Variants in CEP126 observed in about 807,000 individuals in gnomAD.
CEP126 encodes the protein centrosomal protein of 126 kDa.
CEP126 carries 74 observed loss-of-function variants against 107.8 expected under a neutral mutation model. That is an observed-to-expected ratio of 0.69 (90% confidence interval 0.57 to 0.83). The LOEUF is 0.83. Ranked by LOEUF, CEP126 falls within the 40% of genes least tolerant of loss-of-function variation. CEP126 has a pLI of 0.00. For missense variants in CEP126, 1,237 were observed against 1,281.9 expected, an observed-to-expected ratio of 0.96 and a Z score of 0.53; for synonymous variants, 449 against 446.0, an observed-to-expected ratio of 1.01 and a Z score of -0.08.
chr11:101,985,436 C>A (rs545685094), intron 8 of CEP126, among the ~76,000 whole-genome samples: 56 of 151,934 alleles, frequency 3.7e-4, no homozygotes, highest in Non-Finnish European at 7.6e-4. Flanking sequence ...GCGTATGCCA[C>A]CATACCTGGG....
intron 2 of CEP126, among the ~76,000 whole-genome samples, chr11:101,929,542 G>A (rs1240015780): frequency 1.3e-5 from 2 of 152,126 alleles, no homozygotes; most frequent in Non-Finnish European, 2.9e-5. Flanking sequence ...TACCACAGTG[G>A]AGGTGGCCTT....
rs767118122 is a variant in CEP126, at chr11:101,922,694, T to C, written c.182T>C (p.Leu61Pro). 1 of 1,611,682 alleles carries C rather than the reference T, an allele frequency of 6.2e-7. No individual in the cohort carries two copies. Among genetic ancestry groups the C allele is most frequent in the South Asian group, 1.1e-5 (1 of 91,046 alleles). Residue 61 changes from leucine (L) to proline (P), a missense_variant, in exon 2 of 11, where the codon CTG becomes CCG. Leu to Pro is a moderately conservative substitution (Grantham distance 98, BLOSUM62 -3). This residue lies in a region of CEP126 where 1,134 missense variants were observed against 1,150.5 expected (regional missense o/e 0.99). Coordinates refer to ENST00000263468, the MANE Select transcript of CEP126 (RefSeq NM_020802.4). ...KNLEEERQILLQQQKICRNRA... is the reference protein window; with the variant it reads ...KNLEEERQILPQQQKICRNRA... ...TTAGAAGAAGAGCGCCAGATATTAC[T>C]GCAGCAACAAAAAATATGTCGAAAT...
At chr11:101,970,783 AAATATTG>A (rs1190074588) in intron 6 of CEP126, among the ~76,000 whole-genome samples, 1 of 152,160 alleles carries the variant, frequency 6.6e-6, no homozygotes, top group Non-Finnish European at 1.5e-5. Context: ...TAAGCACTTT[AAATATTG>A]AAACAAAGTT....
intron 2 of CEP126, among the ~76,000 whole-genome samples, chr11:101,936,390 C>A (rs1940579174): frequency 2.0e-5 from 3 of 151,932 alleles, no homozygotes; most frequent in Non-Finnish European, 2.9e-5. Flanking sequence ...TGTTGAAATA[C>A]AAATGATTTT....
chr11:101,986,976 G>A lies in CEP126; in HGVS notation c.3179G>A (p.Cys1060Tyr), dbSNP rs780987223. The A allele has an allele frequency of 5.0e-6, 8 of 1,613,604 alleles. No homozygotes were observed. Among genetic ancestry groups the A allele is most frequent in the South Asian group, 1.1e-5 (1 of 91,068 alleles). ...AATAAAACTCAACAATTCAACATCTGCACACTGTCAGCTGAAGAACAGAAG... is the reference window on the plus strand; with the variant it reads ...AATAAAACTCAACAATTCAACATCTACACACTGTCAGCTGAAGAACAGAAG... Reference protein sequence around the residue: ...PLNKTQQFNICTLSAEEQKIL... With the variant: ...PLNKTQQFNIYTLSAEEQKIL... Residue 1060 changes from cysteine to tyrosine, a missense_variant, in exon 9 of 11, where the codon TGC becomes TAC. Transcript: ENST00000263468.
chr11:101,938,991 A>G (rs1300413858), intron 2 of CEP126, among the ~76,000 whole-genome samples: 2 of 152,188 alleles, frequency 1.3e-5, no homozygotes, highest in Non-Finnish European at 2.9e-5. Flanking sequence ...ATGGCTCAAC[A>G]TAAGATTTTT....
intron 2 of CEP126, among the ~76,000 whole-genome samples, chr11:101,935,447 G>A (rs531169316): frequency 6.6e-6 from 1 of 152,062 alleles, no homozygotes; most frequent in East Asian, 1.9e-4. Context: ...ATTTCTTCTG[G>A]AAAGTTCATA....
chr11:101,967,676 TC>T (rs1471516235), intron 6 of CEP126, among the ~76,000 whole-genome samples: 1 of 152,174 alleles, frequency 6.6e-6, no homozygotes, highest in Non-Finnish European at 1.5e-5. Context: ...CAAACCTACA[TC>T]AATGGGAATA....
rs59342016 is a variant in CEP126 at position 101,958,326 on chromosome 11, C to T, written c.665C>T (p.Thr222Ile). The T allele has an allele frequency of 6.2e-7, 1 of 1,613,916 alleles. No individual in the cohort carries two copies. Among genetic ancestry groups the T allele is most frequent in the Non-Finnish European group, 8.5e-7 (1 of 1,179,886 alleles). ...KNVFQLKLEE[T>I]QKLLEDQHLS... ...GTGTTCCAGCTTAAACTGGAGGAAA[C>T]TCAGAAACTCCTCGAAGATCAACAT... The change falls in exon 5 of 11, where the codon ACT (threonine) becomes ATT (isoleucine). Residue 222 changes from threonine to isoleucine, a missense_variant. By Grantham distance (89) the Thr-to-Ile change is moderately conservative. This residue lies in a region of CEP126 where 1,134 missense variants were observed against 1,150.5 expected (regional missense o/e 0.99). Coordinates refer to ENST00000263468, the MANE Select transcript of CEP126 (RefSeq NM_020802.4).
At chr11:101,939,901 AAAG>A (rs2137092659) in intron 2 of CEP126, among the ~76,000 whole-genome samples, 2 of 152,340 alleles carry the variant, frequency 1.3e-5, no homozygotes, top group East Asian at 3.9e-4. Flanking sequence ...CAGCCATATT[AAAG>A]GACAGACCAT....
intron 9 of CEP126, among the ~76,000 whole-genome samples, chr11:101,990,795 C>T (rs1420371486): frequency 6.6e-6 from 1 of 151,290 alleles, no homozygotes; most frequent in Non-Finnish European, 1.5e-5. Context: ...GGGGGCAGAA[C>T]AGGAACATTT....
At chr11:101,984,049 A>G (rs564092971) in intron 8 of CEP126, among the ~76,000 whole-genome samples, 3 of 152,314 alleles carry the variant, frequency 2.0e-5, no homozygotes, top group Non-Finnish European at 4.4e-5. Flanking sequence ...ATTCTCATCA[A>G]AAATAATCTT....
chr11:101,996,077 C>T (rs1161237407), intron 10 of CEP126, among the ~76,000 whole-genome samples: 1 of 152,192 alleles, frequency 6.6e-6, no homozygotes, highest in Non-Finnish European at 1.5e-5. Flanking sequence ...CAAAGGTGCC[C>T]AGCAGCTCAC....
At chr11:101,973,830 A>G (rs547132142) in intron 6 of CEP126, among the ~76,000 whole-genome samples, 3 of 152,270 alleles carry the variant, frequency 2.0e-5, no homozygotes, top group East Asian at 1.9e-4. Context: ...TGAACATTTT[A>G]TATGTTTATG....
At chr11:101,968,843 A>G (rs779489007) in intron 6 of CEP126, among the ~76,000 whole-genome samples, 1 of 152,192 alleles carries the variant, frequency 6.6e-6, no homozygotes, top group African/African-American at 2.4e-5. Context: ...ATGAATATCA[A>G]TATATTTTAC....
intron 7 of CEP126, 97 bp from the exon 8 acceptor site, chr11:101,981,792 A>C (rs1376173500): frequency 4.6e-6 from 3 of 652,932 alleles, no homozygotes; most frequent in Non-Finnish European, 5.3e-6. Context: ...TGTAGCTAAA[A>C]ATATATACAG....
At chr11:101,956,091 C>T (rs1421939020) in intron 4 of CEP126, 2 of 456,620 alleles carry the variant, frequency 4.4e-6, no homozygotes, top group Non-Finnish European at 8.8e-6. Flanking sequence ...CCAATTCCTT[C>T]TTGCCCACCT....
intron 8 of CEP126, 43 bp from the exon 9 acceptor site, chr11:101,986,789 A>G (rs1941321132): frequency 6.8e-7 from 1 of 1,480,730 alleles, no homozygotes; most frequent in East Asian, 2.3e-5. Flanking sequence ...CTGATCTCAA[A>G]GACAAAAGGG....
At chr11:101,920,507 AATAG>A (rs1940306877) in intron 1 of CEP126, among the ~76,000 whole-genome samples, 2 of 152,192 alleles carry the variant, frequency 1.3e-5, no homozygotes, top group South Asian at 2.1e-4. Context: ...AAAAAAGACA[AATAG>A]ATATGCCCTA....
Sources: gnomAD v4.1 joint callset for allele counts (sites outside exome capture counted in the v4.1 genomes callset) on GRCh38, gnomAD v4.1.1 for gene constraint, gnomAD v4.1.1 regional missense constraint, MANE v1.5 for transcripts, NCBI Gene and HGNC (gene_info 2026-07-23, HGNC 2026-07-21) for gene names.